The following ATXN7L1 variants were observed in gnomAD, a reference collection of about 807,000 sequenced individuals.
ATXN7L1 encodes ataxin-7-like protein 1.
A neutral mutation model predicts 70.8 loss-of-function variants in ATXN7L1; 15 were observed. That is an observed-to-expected ratio of 0.21 (90% CI 0.14 to 0.33). The LOEUF (loss-of-function observed/expected upper bound fraction) is 0.33, where lower values mean the gene tolerates loss of function less well. Among genes scored for constraint, ATXN7L1 ranks in the 10% least tolerant of loss-of-function variants. ATXN7L1 has a pLI of 1.00. For missense variants in ATXN7L1, 975 were observed against 1,097.1 expected (o/e 0.89, Z 1.57); for synonymous variants, 440 against 445.1 (o/e 0.99, Z 0.14).
chr7:105,700,248 G>A (rs935832340), intron 3 of ATXN7L1, among the ~76,000 whole-genome samples: 6 of 152,128 alleles, frequency 3.9e-5, no homozygotes, highest in Non-Finnish European at 8.8e-5. Context: ...GCTCATGTCT[G>A]TAATCCCAAC....
At chr7:105,774,750 G>A (rs1427232692) in intron 3 of ATXN7L1, among the ~76,000 whole-genome samples, 3 of 152,078 alleles carry the variant, frequency 2.0e-5, no homozygotes, top group Admixed American at 2.0e-4. Context: ...CATTTAAGAA[G>A]GTGCTTGTTT....
intron 5 of ATXN7L1, among the ~76,000 whole-genome samples, chr7:105,640,530 CT>C (rs1242160518): frequency 6.6e-6 from 1 of 152,154 alleles, no homozygotes; most frequent in Non-Finnish European, 1.5e-5. Context: ...GAGGTGATCT[CT>C]TTTTTTCATT....
chr7:105,721,106 G>A (rs1019335903), intron 3 of ATXN7L1, among the ~76,000 whole-genome samples: 2 of 152,130 alleles, frequency 1.3e-5, no homozygotes, highest in African/African-American at 4.8e-5. Context: ...TGTTGCTGCC[G>A]GGTGTGAAGT....
rs1792687306 is a variant in ATXN7L1, at chr7:105,604,871, AAATAT to A, written c.*2976_*2980del. 6.6e-6 allele frequency among the ~76,000 whole-genome samples: 1 copy of A among 152,192 alleles called. No homozygotes were observed. The highest frequency in any genetic ancestry group is 1.5e-5 in the Non-Finnish European group (1 of 68,030). ...AGTGCCATGGGCCGACAGCATAACA[AAATAT>A]AAGGTGTAAATAGAAAATTTCTTTT... On this transcript the variant is annotated 3_prime_UTR_variant, in exon 12 of 12. Transcript: ENST00000419735.
chr7:105,855,976 G>C (rs529841921), intron 2 of ATXN7L1, among the ~76,000 whole-genome samples: 1 of 152,200 alleles, frequency 6.6e-6, no homozygotes, highest in East Asian at 1.9e-4. Flanking sequence ...CGATATCAAG[G>C]GACAGCTGTA....
chr7:105,660,576 C>CTTTTTTTTTTTTTTTTTTTTTTTTTTTTT (rs34008024), intron 4 of ATXN7L1, among the ~76,000 whole-genome samples: 1 of 78,140 alleles, frequency 1.3e-5, no homozygotes, highest in Non-Finnish European at 2.3e-5. Flanking sequence ...CGGAAGTGAC[C>CTTTTTTTTTTTTTTTTTTTTTTTTTTTTT]TTTTTTTTTT....
At position 105,614,485 on chromosome 7, in the gene ATXN7L1, T is replaced by C. The variant is rs961193200; in HGVS notation, c.1849A>G (p.Lys617Glu). Residue 617 changes from lysine to glutamate, a missense_variant, in exon 10 of 12, where the codon AAG (lysine) becomes GAG (glutamate). Physicochemically the swap from Lys to Glu is moderately conservative, Grantham distance 56. This residue lies in a region of ATXN7L1 where 635 missense variants were observed against 699.4 expected (regional missense o/e 0.91). Transcript: ENST00000419735. The surrounding 1 kb of genome is among the most constrained non-coding windows in gnomAD (Gnocchi z 4.3). ...IPAVIPSPSH[K>E]PSKTKTSKSS... is the part of the protein sequence containing the mutation. ...TTGCTGGTTTTGGTTTTGGATGGCT[T>C]GTGGGATGGGGAAGGGATGACGGCT... 2 of 1,534,948 alleles carry C rather than the reference T, an allele frequency of 1.3e-6. No individual in the cohort carries two copies. The highest frequency in any genetic ancestry group is 1.8e-6 in the Non-Finnish European group (2 of 1,137,688).
In ATXN7L1 at chr7:105,607,069, T is replaced by A. The variant is rs933660504; in HGVS notation, c.*783A>T. Reference sequence around the variant, plus strand: ...CCACAGTCTCCAGTTTTTTTAGGGATCATCTCCTACCCACCATGCTCTGCT... The same window carrying A: ...CCACAGTCTCCAGTTTTTTTAGGGAACATCTCCTACCCACCATGCTCTGCT... On this transcript the variant is annotated 3_prime_UTR_variant, in exon 12 of 12. Transcript: ENST00000419735. 2.0e-5 allele frequency: 3 copies of A among 152,524 alleles called. No individual in the cohort carries two copies. The highest frequency in any genetic ancestry group is 4.4e-5 in the Non-Finnish European group (3 of 68,394). 9.4% of individuals were successfully genotyped at this position (152,524 alleles called of 1,614,324 possible). A position where few individuals can be genotyped will look rare whatever the true frequency, so the allele number is the denominator to read the frequency against.
chr7:105,805,533 G>GA (rs1563107721), intron 2 of ATXN7L1, among the ~76,000 whole-genome samples: 1 of 152,206 alleles, frequency 6.6e-6, no homozygotes, highest in African/African-American at 2.4e-5. Flanking sequence ...GGGGTACAGA[G>GA]AAATGAATGC....
intron 2 of ATXN7L1, among the ~76,000 whole-genome samples, chr7:105,810,324 C>T (rs1808248543): frequency 6.6e-6 from 1 of 152,196 alleles, no homozygotes; most frequent in Non-Finnish European, 1.5e-5. Context: ...TTGCTCTAGG[C>T]CCTTGGGAAA....
chr7:105,616,139 T>C (rs1793861892), intron 9 of ATXN7L1, among the ~76,000 whole-genome samples: 1 of 152,242 alleles, frequency 6.6e-6, no homozygotes. Context: ...TCACTAGCGA[T>C]TAGGAACTAG....
chr7:105,813,342 T>TG (rs1808712441), intron 2 of ATXN7L1, among the ~76,000 whole-genome samples: 2 of 151,356 alleles, frequency 1.3e-5, no homozygotes, highest in South Asian at 4.2e-4. Context: ...ACAATTTTTT[T>TG]TTTTTTTTTT....
In ATXN7L1 at chr7:105,627,841, G is replaced by GTTTT. The variant is rs36028028; in HGVS notation, c.1203-3578_1203-3575dup. Among the ~76,000 whole-genome samples, 27 of 86,440 alleles carry GTTTT rather than the reference G, an allele frequency of 3.1e-4. 3 individuals are homozygous for GTTTT. Among genetic ancestry groups the GTTTT allele is most frequent in the African/African-American group, 3.5e-4 (7 of 20,140 alleles). The allele number at this position is 86,440 out of a possible 152,430, so 56.7% of individuals were successfully genotyped here. ...GCCACCACGCCCGGTCCTGTCTTTA[G>GTTTT]TTTTTTTTTTTTTTTTTTTTTGAGA... On this transcript the variant is annotated intron_variant, in intron 7 of 11. Transcript: ENST00000419735.
intron 10 of ATXN7L1, among the ~76,000 whole-genome samples, chr7:105,611,027 C>G (rs1793100774): frequency 6.6e-6 from 1 of 152,246 alleles, no homozygotes; most frequent in Admixed American, 6.5e-5. Context: ...AGCCCAGACT[C>G]CCTCAGCCTG....
intron 3 of ATXN7L1, among the ~76,000 whole-genome samples, chr7:105,698,643 C>A (rs966301177): frequency 5.9e-5 from 9 of 152,324 alleles, no homozygotes; most frequent in Admixed American, 5.9e-4. Flanking sequence ...AAGGCGTGAG[C>A]CACCGTGCTT....
intron 2 of ATXN7L1, among the ~76,000 whole-genome samples, chr7:105,854,310 G>A (rs754748910): frequency 5.9e-5 from 9 of 151,994 alleles, no homozygotes; most frequent in Non-Finnish European, 1.0e-4. Flanking sequence ...CTCTCCTCCC[G>A]CTAGTGGCCA....
intron 4 of ATXN7L1, among the ~76,000 whole-genome samples, chr7:105,648,366 T>A (rs775435220): frequency 1.7e-3 from 256 of 152,262 alleles, no homozygotes; most frequent in Non-Finnish European, 2.2e-3. Context: ...AGCAGGCAGC[T>A]GAGTGATGGT....
chr7:105,809,950 T>C (rs534624826), intron 2 of ATXN7L1, among the ~76,000 whole-genome samples: 1 of 152,306 alleles, frequency 6.6e-6, no homozygotes, highest in South Asian at 2.1e-4. Flanking sequence ...TTTTAAATTT[T>C]TTGTAGAGAC....
intron 4 of ATXN7L1, among the ~76,000 whole-genome samples, chr7:105,652,102 T>C (rs1468637740): frequency 6.6e-6 from 1 of 151,860 alleles, no homozygotes. Context: ...TGTGAACAAG[T>C]CAGCAAGTCA....
Sources: gnomAD v4.1 joint callset for allele counts (sites outside exome capture counted in the v4.1 genomes callset) on GRCh38, gnomAD v4.1.1 for gene constraint, gnomAD v4.1.1 regional missense constraint, Gnocchi (gnomAD v3.1) non-coding constraint, MANE v1.5 for transcripts, NCBI Gene and HGNC (gene_info 2026-07-23, HGNC 2026-07-21) for gene names.